The following KIRREL3 variants were observed in gnomAD, a reference collection of about 807,000 sequenced individuals.
KIRREL3 encodes kirre like nephrin family adhesion molecule 3, also known as kin of IRRE-like protein 3.
In KIRREL3, 36 loss-of-function variants were observed where a neutral mutation model predicts 89.7. That is an observed-to-expected ratio of 0.40 (90% CI 0.31 to 0.53). The LOEUF is 0.53. Ranked by LOEUF, KIRREL3 falls within the 20% of genes least tolerant of loss-of-function variation. KIRREL3 has a pLI of 0.49. For synonymous variants in KIRREL3, 445 were observed against 441.4 expected (o/e 1.01, Z -0.10); for missense variants, 864 against 1,056.6 (o/e 0.82, Z 2.53).
Position 126,795,981 on chromosome 11 carries a change from C to T in KIRREL3, c.55+204474G>A, listed in dbSNP as rs1366201037. ...TACATTTTTCACGTTGAGCTAGTAC[C>T]TTGTCTGCTTATGTTGCCATTCATA... On this transcript the variant is annotated intron_variant, in intron 1 of 16. Coordinates refer to ENST00000525144, the MANE Select transcript of KIRREL3 (RefSeq NM_032531.4). The surrounding 1 kb of genome is among the most constrained non-coding windows in gnomAD (Gnocchi z 4.1). Among the ~76,000 whole-genome samples the T allele has an allele frequency of 2.6e-5, 4 of 152,118 alleles. No homozygotes were observed. Among genetic ancestry groups the T allele is most frequent in the South Asian group, 2.1e-4 (1 of 4,814 alleles).
At position 126,999,047 on chromosome 11, in the gene KIRREL3, G is replaced by A. The variant is rs1480509162; in HGVS notation, c.55+1408C>T. On this transcript the variant is annotated intron_variant, in intron 1 of 16. Transcript: ENST00000525144. The surrounding 1 kb of genome is among the most constrained non-coding windows in gnomAD (Gnocchi z 5.7). ...ACCTGTCTCTATACCAGTGTTCTGA[G>A]AGAGTTCTTATTCATTCAGCCTGAA... Among the ~76,000 whole-genome samples, 6 of 151,566 alleles carry A rather than the reference G, an allele frequency of 4.0e-5. No homozygotes were observed. Among genetic ancestry groups the A allele is most frequent in the Non-Finnish European group, 7.4e-5 (5 of 67,994 alleles).
chr11:126,762,428 C>G (rs1949693544), intron 1 of KIRREL3, among the ~76,000 whole-genome samples: 1 of 152,188 alleles, frequency 6.6e-6, no homozygotes, highest in Non-Finnish European at 1.5e-5. Flanking sequence ...TCTTTAGCTA[C>G]TGTTAAATAT....
rs2134218875 is a variant in KIRREL3, at chr11:126,741,000, T to C, written c.56-178088A>G. Among the ~76,000 whole-genome samples, 1 of 152,136 alleles carries C rather than the reference T, an allele frequency of 6.6e-6. No individual in the cohort carries two copies. Among genetic ancestry groups the C allele is most frequent in the East Asian group, 1.9e-4 (1 of 5,168 alleles). On this transcript the variant is annotated intron_variant, in intron 1 of 16. Transcript: ENST00000525144. This position sits in a 1 kb window ranked among gnomAD's most constrained non-coding sequence, Gnocchi z 6.0. ...GGAAAGTGGCAGAACAGGGAAAAGG[T>C]TCCACCACAAGGAGCTCATTCCTGC...
chr11:126,745,219 G>C (rs1949104117), intron 1 of KIRREL3, among the ~76,000 whole-genome samples: 1 of 152,166 alleles, frequency 6.6e-6, no homozygotes, highest in East Asian at 1.9e-4. Context: ...CTGTGATACA[G>C]GATAGCCTCT....
rs557347549 is a variant in KIRREL3 at position 126,985,494 on chromosome 11, T to C, written c.55+14961A>G. ...GGAAGGAAGGGCATTTAAATTAGATTGTGGGGAGAGAGGTCAAGGAAACTT... is the reference window on the plus strand; with the variant it reads ...GGAAGGAAGGGCATTTAAATTAGATCGTGGGGAGAGAGGTCAAGGAAACTT... On this transcript the variant is annotated intron_variant, in intron 1 of 16. Coordinates refer to ENST00000525144, the MANE Select transcript of KIRREL3 (RefSeq NM_032531.4). This position sits in a 1 kb window ranked among gnomAD's most constrained non-coding sequence, Gnocchi z 5.3. Among the ~76,000 whole-genome samples, 14 of 151,982 alleles carry C rather than the reference T, an allele frequency of 9.2e-5. No individual in the cohort carries two copies. Among genetic ancestry groups the C allele is most frequent in the African/African-American group, 3.4e-4 (14 of 41,458 alleles).
chr11:126,790,375 T>A (rs1001990610), intron 1 of KIRREL3, among the ~76,000 whole-genome samples: 7 of 152,202 alleles, frequency 4.6e-5, no homozygotes, highest in Non-Finnish European at 7.3e-5. Context: ...CCAGTCTTCA[T>A]GTCAAGAGGC....
chr11:126,534,740 T>A (rs1039547082), intron 2 of KIRREL3, among the ~76,000 whole-genome samples: 3 of 152,202 alleles, frequency 2.0e-5, no homozygotes, highest in African/African-American at 7.2e-5. Context: ...AGCCTGGGTC[T>A]GCCACCCCCT....
chr11:126,657,855 T>C (rs563054312), intron 1 of KIRREL3, among the ~76,000 whole-genome samples: 7 of 152,334 alleles, frequency 4.6e-5, no homozygotes, highest in African/African-American at 1.7e-4. Context: ...GAAATTCCAA[T>C]CAGGCTTTAC....
rs1948718682 is a variant in KIRREL3 at position 126,949,549 on chromosome 11, C to T, written c.55+50906G>A. ...GGCTGCTAAGCTTTTTGCCTGGATGCTCTCACCCTTGGAGATCAGAAGCTG... is the reference window on the plus strand; with the variant it reads ...GGCTGCTAAGCTTTTTGCCTGGATGTTCTCACCCTTGGAGATCAGAAGCTG... On this transcript the variant is annotated intron_variant, in intron 1 of 16. Transcript: ENST00000525144. 2.6e-5 allele frequency among the ~76,000 whole-genome samples: 4 copies of T among 152,292 alleles called. No homozygotes were observed. The South Asian group carries it at 6.2e-4, about 24-fold the overall frequency.
chr11:126,731,819 A>G (rs1038640740), intron 1 of KIRREL3, among the ~76,000 whole-genome samples: 14 of 152,258 alleles, frequency 9.2e-5, no homozygotes, highest in East Asian at 1.9e-4. Context: ...TTTATTCACA[A>G]GCTGAAAGAC....
At chr11:126,941,271 C>T (rs1272972275) in intron 1 of KIRREL3, among the ~76,000 whole-genome samples, 1 of 150,824 alleles carries the variant, frequency 6.6e-6, no homozygotes, top group African/African-American at 2.4e-5. Context: ...AAACAAAAAA[C>T]CCTCCATTGT....
At position 126,571,811 on chromosome 11, in the gene KIRREL3, A is replaced by G. The variant is rs901764057; in HGVS notation, c.56-8899T>C. On this transcript the variant is annotated intron_variant, in intron 1 of 16. Transcript: ENST00000525144. This position sits in a 1 kb window ranked among gnomAD's most constrained non-coding sequence, Gnocchi z 7.7. ...TTGGTTAAAGAATTTTACGGGAAAC[A>G]GTTTTATCCCATGTGCAAGGATGCC... is the stretch of plus-strand genomic sequence containing the variant. 6.6e-6 allele frequency among the ~76,000 whole-genome samples: 1 copy of G among 152,206 alleles called. No individual in the cohort carries two copies. Among genetic ancestry groups the G allele is most frequent in the African/African-American group, 2.4e-5 (1 of 41,446 alleles).
At chr11:126,573,158 C>A (rs1002035543) in intron 1 of KIRREL3, among the ~76,000 whole-genome samples, 5 of 152,194 alleles carry the variant, frequency 3.3e-5, no homozygotes, top group African/African-American at 1.2e-4. Flanking sequence ...GACAGCACGT[C>A]CTTGCCCCCA....
At position 126,527,526 on chromosome 11, in the gene KIRREL3, G is replaced by A. The variant is rs956058404; in HGVS notation, c.134-839C>T. 6.6e-6 allele frequency among the ~76,000 whole-genome samples: 1 copy of A among 152,090 alleles called. No individual in the cohort carries two copies. The highest frequency in any genetic ancestry group is 1.9e-4 in the East Asian group (1 of 5,188). The stretch of plus-strand genomic sequence containing the variant: ...TCGTCATAACAACCTAAAAATAGTA[G>A]GCACTATTTTTATCCCCATTTTCCA... On this transcript the variant is annotated intron_variant, in intron 2 of 16. Coordinates refer to ENST00000525144, the MANE Select transcript of KIRREL3 (RefSeq NM_032531.4). The surrounding 1 kb of genome is among the most constrained non-coding windows in gnomAD (Gnocchi z 4.2).
intron 1 of KIRREL3, among the ~76,000 whole-genome samples, chr11:126,617,650 G>T (rs1275596680): frequency 6.6e-6 from 1 of 152,100 alleles, no homozygotes; most frequent in East Asian, 1.9e-4. Flanking sequence ...TCCTACTAGG[G>T]ATTTGACTCT....
intron 1 of KIRREL3, among the ~76,000 whole-genome samples, chr11:126,680,438 A>G (rs1263552571): frequency 1.3e-5 from 2 of 151,606 alleles, no homozygotes; most frequent in Admixed American, 6.6e-5. Flanking sequence ...CAGCCAACAG[A>G]GGGACTTGGC....
intron 1 of KIRREL3, among the ~76,000 whole-genome samples, chr11:126,975,481 G>A (rs1591409378): frequency 6.6e-6 from 1 of 152,124 alleles, no homozygotes; most frequent in Non-Finnish European, 1.5e-5. Context: ...ACAACCAGGG[G>A]TACAGAAGTG....
rs57844137 is a variant in KIRREL3, at chr11:126,555,744, A to ATTTT, written c.133+7087_133+7090dup. Reference sequence around the variant, plus strand: ...TGTAGAACATGCTAACAATGTGAGCATTTTTTTTTTTTTTGAGACGGAGTC... The same window carrying ATTTT: ...TGTAGAACATGCTAACAATGTGAGCATTTTTTTTTTTTTTTTTTGAGACGGAGTC... On this transcript the variant is annotated intron_variant, in intron 2 of 16. Coordinates refer to ENST00000525144, the MANE Select transcript of KIRREL3 (RefSeq NM_032531.4). The surrounding 1 kb of genome is among the most constrained non-coding windows in gnomAD (Gnocchi z 4.2). Among the ~76,000 whole-genome samples, 1 of 145,574 alleles carries ATTTT rather than the reference A, an allele frequency of 6.9e-6. No homozygotes were observed. Among genetic ancestry groups the ATTTT allele is most frequent in the Non-Finnish European group, 1.5e-5 (1 of 66,416 alleles).
rs768490006 is a variant in KIRREL3, at chr11:126,900,066, G to C, written c.55+100389C>G. On this transcript the variant is annotated intron_variant, in intron 1 of 16. Transcript: ENST00000525144. This position sits in a 1 kb window ranked among gnomAD's most constrained non-coding sequence, Gnocchi z 4.4. ...TGTTTTGTAAAAGGAATAGCTAGCTGGTGGGTCACTTCCTCTGCTCTCCAA... is the reference window on the plus strand; with the variant it reads ...TGTTTTGTAAAAGGAATAGCTAGCTCGTGGGTCACTTCCTCTGCTCTCCAA... 6.6e-6 allele frequency among the ~76,000 whole-genome samples: 1 copy of C among 152,158 alleles called. No individual in the cohort carries two copies. Among genetic ancestry groups the C allele is most frequent in the Non-Finnish European group, 1.5e-5 (1 of 68,040 alleles).
Sources: allele counts gnomAD v4.1 joint callset (sites outside exome capture counted in the v4.1 genomes callset), GRCh38; gene constraint gnomAD v4.1.1; non-coding constraint Gnocchi (gnomAD v3.1); transcripts MANE v1.5; gene names NCBI Gene and HGNC (gene_info 2026-07-23, HGNC 2026-07-21).